The following ZNF385D variants were observed in gnomAD, a reference collection of about 807,000 sequenced individuals.
The protein encoded by ZNF385D is zinc finger protein 659.
In ZNF385D, 15 loss-of-function variants were observed where a neutral mutation model predicts 35.8. The observed-to-expected ratio is 0.42, with a 90% CI of 0.28 to 0.64. ZNF385D has a LOEUF of 0.64. Ranked by LOEUF, ZNF385D falls within the 30% of genes least tolerant of loss-of-function variation. The pLI is 0.23. For synonymous variants in ZNF385D, 212 were observed against 186.8 expected (o/e 1.13, Z -1.10); for missense variants, 474 against 494.6 (o/e 0.96, Z 0.39).
chr3:21,928,382 GGAA>G (rs1200253426), intron 3 of ZNF385D, among the ~76,000 whole-genome samples: 2 of 151,162 alleles, frequency 1.3e-5, no homozygotes, highest in Non-Finnish European at 3.0e-5. Flanking sequence ...GGAAAGCAAA[GGAA>G]GAAAGATGAA....
intron 3 of ZNF385D, among the ~76,000 whole-genome samples, chr3:21,522,951 C>T (rs1297610453): frequency 6.6e-6 from 1 of 152,046 alleles, no homozygotes; most frequent in African/African-American, 2.4e-5. Context: ...TTTAGTTGTC[C>T]TTGGTAGGAT....
rs139689786 is a variant in ZNF385D at position 22,266,225 on chromosome 3, T to A, written c.107-97190A>T. Among the ~76,000 whole-genome samples the A allele has an allele frequency of 4.9e-3, 746 of 152,100 alleles. 1 individual carries two copies. Among genetic ancestry groups the A allele is most frequent in the Non-Finnish European group, 7.9e-3 (540 of 67,926 alleles). On this transcript the variant is annotated intron_variant, in intron 2 of 5. Coordinates refer to the ZNF385D transcript ENST00000494108. ...TTGGAAGAGGAGCCAGGTCTGGAAA[T>A]ACACAGCAATCAAGCTGCTTCTTTT...
At chr3:22,267,634 T>A (rs1700963414) in intron 2 of ZNF385D, among the ~76,000 whole-genome samples, 1 of 151,892 alleles carries the variant, frequency 6.6e-6, no homozygotes, top group South Asian at 2.1e-4. Context: ...ACACCATTAT[T>A]TTAATTTTAC....
chr3:21,606,090 A>G (rs1031691519), intron 2 of ZNF385D, among the ~76,000 whole-genome samples: 2 of 152,166 alleles, frequency 1.3e-5, no homozygotes, highest in Non-Finnish European at 2.9e-5. Flanking sequence ...CTGCGGCACA[A>G]ATAGGAGAAC....
intron 2 of ZNF385D, among the ~76,000 whole-genome samples, chr3:22,311,196 T>C (rs1036839897): frequency 5.3e-5 from 8 of 152,052 alleles, no homozygotes; most frequent in Non-Finnish European, 1.2e-4. Flanking sequence ...AAGTCTTTAC[T>C]ATATCCAGAT....
Position 22,303,420 on chromosome 3 carries a change from A to C in ZNF385D, c.106+69030T>G, listed in dbSNP as rs189279249. 3.5e-4 allele frequency among the ~76,000 whole-genome samples: 54 copies of C among 152,294 alleles called. No individual in the cohort carries two copies. In the East Asian group the frequency reaches 7.5e-3, roughly 21 times the overall value. ...TTTGAAAGGAAAAGTCCTAGCCATCAGGAACCTGCTTGTGTGCCAAGGAGA... is the reference window on the plus strand; with the variant it reads ...TTTGAAAGGAAAAGTCCTAGCCATCCGGAACCTGCTTGTGTGCCAAGGAGA... On this transcript the variant is annotated intron_variant, in intron 2 of 5. Transcript: ENST00000494108.
At chr3:22,191,731 A>G (rs1696047222) in intron 2 of ZNF385D, among the ~76,000 whole-genome samples, 1 of 152,172 alleles carries the variant, frequency 6.6e-6, no homozygotes, top group South Asian at 2.1e-4. Flanking sequence ...TAATGAATAA[A>G]TGGTTTGACT....
chr3:21,523,914 T>G, intron 3 of ZNF385D, among the ~76,000 whole-genome samples: 1 of 152,068 alleles, frequency 6.6e-6, no homozygotes, highest in East Asian at 1.9e-4. Context: ...GCTGCACAAG[T>G]AAGAGATGGC....
intron 4 of ZNF385D, among the ~76,000 whole-genome samples, chr3:21,485,846 G>A (rs573114731): frequency 7.0e-4 from 107 of 152,042 alleles, no homozygotes; most frequent in African/African-American, 2.5e-3. Context: ...GAAACCTAAT[G>A]TCTGAGTCCA....
At chr3:22,002,957 C>G (rs1187698141) in intron 3 of ZNF385D, among the ~76,000 whole-genome samples, 1 of 152,124 alleles carries the variant, frequency 6.6e-6, no homozygotes, top group Non-Finnish European at 1.5e-5. Context: ...GACTAACTAA[C>G]AGCTAATATC....
intron 1 of ZNF385D, among the ~76,000 whole-genome samples, chr3:21,693,773 T>TA: frequency 6.6e-6 from 1 of 151,572 alleles, no homozygotes; most frequent in African/African-American, 2.4e-5. Flanking sequence ...TTTATGAATT[T>TA]AAAAAATAAA....
At chr3:21,555,151 T>G (rs906378280) in intron 3 of ZNF385D, among the ~76,000 whole-genome samples, 2 of 152,132 alleles carry the variant, frequency 1.3e-5, no homozygotes, top group African/African-American at 4.8e-5. Context: ...TCATTTCTGG[T>G]TTTTGATGTA....
At chr3:22,063,164 T>G (rs1440951822) in intron 3 of ZNF385D, among the ~76,000 whole-genome samples, 2 of 152,206 alleles carry the variant, frequency 1.3e-5, no homozygotes, top group African/African-American at 4.8e-5. Flanking sequence ...TTTTGGTTAA[T>G]TTTTTTAACC....
intron 3 of ZNF385D, among the ~76,000 whole-genome samples, chr3:22,107,178 C>T (rs1026179392): frequency 6.6e-6 from 1 of 151,840 alleles, no homozygotes; most frequent in Non-Finnish European, 1.5e-5. Context: ...CATGTGCCAC[C>T]ACACCTAGCT....
At chr3:22,002,772 A>G (rs1188956726) in intron 3 of ZNF385D, among the ~76,000 whole-genome samples, 1 of 152,182 alleles carries the variant, frequency 6.6e-6, no homozygotes, top group Non-Finnish European at 1.5e-5. Context: ...TAGGGTTGCA[A>G]GATTTGTTCA....
intron 3 of ZNF385D, among the ~76,000 whole-genome samples, chr3:22,100,996 C>T (rs1701910476): frequency 6.6e-6 from 1 of 151,918 alleles, no homozygotes; most frequent in Non-Finnish European, 1.5e-5. Context: ...CAGTGCAATA[C>T]ATGCGCCTGT....
At chr3:21,496,395 T>A (rs898086142) in intron 4 of ZNF385D, among the ~76,000 whole-genome samples, 6 of 145,538 alleles carry the variant, frequency 4.1e-5, no homozygotes, top group Non-Finnish European at 9.0e-5. Context: ...ATATATATCA[T>A]ATATACACAC....
At position 22,141,139 on chromosome 3, in the gene ZNF385D, G is replaced by T. The variant is rs370358548; in HGVS notation, c.325+27678C>A. ...TTCATTACTTAAAAACATAAGAGAG[G>T]TTTATACTGTTCCTAAAATAATAAG... On this transcript the variant is annotated intron_variant, in intron 3 of 5. Coordinates refer to the ZNF385D transcript ENST00000494108. Among the ~76,000 whole-genome samples the T allele has an allele frequency of 6.6e-5, 10 of 152,024 alleles. No individual in the cohort carries two copies. In the East Asian group the frequency reaches 7.7e-4, roughly 12 times the overall value.
intron 3 of ZNF385D, among the ~76,000 whole-genome samples, chr3:22,079,785 A>C (rs1700655134): frequency 6.6e-6 from 1 of 152,008 alleles, no homozygotes; most frequent in Admixed American, 6.6e-5. Context: ...TCTAATGAGA[A>C]AATAAAGACC....
Sources: gnomAD v4.1 joint callset for allele counts (sites outside exome capture counted in the v4.1 genomes callset) on GRCh38, gnomAD v4.1.1 for gene constraint, MANE v1.5 for transcripts, NCBI Gene and HGNC (gene_info 2026-07-23, HGNC 2026-07-21) for gene names.